OSBPL10: variants seen among roughly 807,000 people sequenced by gnomAD.
OSBPL10 encodes the protein oxysterol-binding protein-related protein 10.
OSBPL10 carries 49 observed loss-of-function variants against 81.7 expected under a neutral mutation model. That is an observed-to-expected ratio of 0.60 (90% CI 0.48 to 0.76). The LOEUF (loss-of-function observed/expected upper bound fraction) is 0.76. Among genes scored for constraint, OSBPL10 ranks in the 30% least tolerant of loss-of-function variants. OSBPL10 has a pLI of 0.00. For synonymous variants in OSBPL10, 419 were observed against 383.6 expected (o/e 1.09, Z -1.08); for missense variants, 923 against 987.8 (o/e 0.93, Z 0.88).
At position 32,002,822 on chromosome 3, in the gene OSBPL10, C is replaced by G. The variant is rs1205987891; in HGVS notation, n.298+43669G>C. ...ATACTATTTATTGTTAACTTTGAAT[C>G]TGCTTTTATCTTTTATTCCAGCCTG... On this transcript the variant is annotated intron_variant and non_coding_transcript_variant, in intron 2 of 3. Transcript: ENST00000479173. Among the ~76,000 whole-genome samples, 5 of 131,346 alleles carry G rather than the reference C, an allele frequency of 3.8e-5. No homozygotes were observed. The East Asian group carries it at 9.6e-4, about 25-fold the overall frequency. The allele number at this position is 131,346 out of a possible 152,430, so 86.2% of individuals were successfully genotyped here. A position where few individuals can be genotyped will look rare whatever the true frequency, so the allele number is the denominator to read the frequency against.
chr3:31,754,067 G>A (rs375172494), intron 4 of OSBPL10, among the ~76,000 whole-genome samples: 5 of 152,186 alleles, frequency 3.3e-5, no homozygotes, highest in South Asian at 4.2e-4. Context: ...ATGAGCTGCC[G>A]ACTTTTTCTA....
intron 8 of OSBPL10, among the ~76,000 whole-genome samples, chr3:31,675,096 C>A (rs1267161279): frequency 6.6e-6 from 1 of 152,164 alleles, no homozygotes; most frequent in Non-Finnish European, 1.5e-5. Context: ...CAATATGTCT[C>A]CCTGGCACCA....
intron 4 of OSBPL10, among the ~76,000 whole-genome samples, chr3:31,771,069 A>G (rs1344990940): frequency 3.3e-5 from 5 of 152,190 alleles, no homozygotes; most frequent in Non-Finnish European, 5.9e-5. Flanking sequence ...TAGGCTTATC[A>G]TGAGGAATGA....
chr3:32,034,010 G>C (rs1374216790), intron 2 of OSBPL10, among the ~76,000 whole-genome samples: 70 of 152,148 alleles, frequency 4.6e-4, no homozygotes, highest in Non-Finnish European at 1.2e-4. Flanking sequence ...TTACAATCAT[G>C]GCGGCTGGCA....
chr3:32,020,924 A>G (rs1315405084), intron 2 of OSBPL10, among the ~76,000 whole-genome samples: 3 of 152,170 alleles, frequency 2.0e-5, no homozygotes, highest in Non-Finnish European at 4.4e-5. Flanking sequence ...TGGAGGCTGG[A>G]TGTCTAAGAT....
Position 31,866,759 on chromosome 3 carries a change from G to A in OSBPL10, c.537+9674C>T, listed in dbSNP as rs547504691. ...TGGGGCTGTCCAGACCCCAGTGGAC[G>A]GGGGTAAGACAGGGCTCTTACTACC... On this transcript the variant is annotated intron_variant, in intron 3 of 11. Transcript: ENST00000396556. Among the ~76,000 whole-genome samples the A allele has an allele frequency of 7.9e-5, 12 of 152,238 alleles. No homozygotes were observed. In the East Asian group the frequency reaches 9.7e-4, roughly 12 times the overall value.
At chr3:31,699,858 A>G (rs1695840962) in intron 7 of OSBPL10, among the ~76,000 whole-genome samples, 1 of 152,234 alleles carries the variant, frequency 6.6e-6, no homozygotes, top group Non-Finnish European at 1.5e-5. Flanking sequence ...TTCATCCTTG[A>G]GGTGAAGAAG....
intron 1 of OSBPL10, among the ~76,000 whole-genome samples, chr3:31,965,996 T>C (rs977749860): frequency 8.3e-6 from 1 of 120,154 alleles, no homozygotes; most frequent in East Asian, 2.8e-4. Context: ...ATATAAAATA[T>C]AATATATATA....
At chr3:31,699,537 G>A (rs1216465839) in intron 7 of OSBPL10, among the ~76,000 whole-genome samples, 5 of 152,238 alleles carry the variant, frequency 3.3e-5, no homozygotes, top group African/African-American at 1.2e-4. Context: ...CTAGAGGCAG[G>A]ACCAGCTACA....
chr3:31,871,870 ACACACACATG>A (rs923176100), intron 3 of OSBPL10, among the ~76,000 whole-genome samples: 8 of 152,292 alleles, frequency 5.3e-5, no homozygotes, highest in African/African-American at 1.9e-4. Context: ...CAAAACACAC[ACACACACATG>A]CACACGCACA....
In OSBPL10 at chr3:31,668,668, A is replaced by C. The variant is rs774168194; in HGVS notation, c.2070T>G (p.Leu690=). The C allele has an allele frequency of 6.2e-7, 1 of 1,613,696 alleles. No individual in the cohort carries two copies. Among genetic ancestry groups the C allele is most frequent in the Non-Finnish European group, 8.5e-7 (1 of 1,179,778 alleles). The change falls in exon 10 of 12, where the codon CTT becomes CTG. Residue 690 remains leucine (L), a synonymous_variant. Transcript: ENST00000396556. ...TGGACTCCATGGGTCCCTGCTTCTC[A>C]AGAGGTCTGATCTTCTTGGGATACA... The part of the protein sequence containing the change: ...LPVYPKKIRP[L]EKQGPMESRN...
intron 4 of OSBPL10, among the ~76,000 whole-genome samples, chr3:31,762,240 G>C (rs1412435982): frequency 6.6e-6 from 1 of 152,156 alleles, no homozygotes; most frequent in African/African-American, 2.4e-5. Flanking sequence ...GCACAGAGTA[G>C]TCCTTTGCTG....
At chr3:31,950,293 G>C (rs186673246) in intron 1 of OSBPL10, among the ~76,000 whole-genome samples, 1 of 152,202 alleles carries the variant, frequency 6.6e-6, no homozygotes, top group East Asian at 1.9e-4. Context: ...ATAAATAACT[G>C]AGCAAAAGAC....
At chr3:32,060,742 G>A (rs1269237233) in intron 1 of OSBPL10, among the ~76,000 whole-genome samples, 1 of 90,512 alleles carries the variant, frequency 1.1e-5, no homozygotes, top group East Asian at 2.6e-4. Flanking sequence ...GATCACCTGA[G>A]GTCGGGAGTT....
At chr3:31,822,668 G>A (rs963587519) in intron 4 of OSBPL10, among the ~76,000 whole-genome samples, 7 of 151,882 alleles carry the variant, frequency 4.6e-5, no homozygotes, top group African/African-American at 1.2e-4. Flanking sequence ...CCAGCACTTC[G>A]GGAGGCCAAA....
intron 1 of OSBPL10, among the ~76,000 whole-genome samples, chr3:31,949,084 C>A (rs1373657449): frequency 6.6e-6 from 1 of 152,138 alleles, no homozygotes; most frequent in Non-Finnish European, 1.5e-5. Context: ...TGTGATTAAA[C>A]TTACAGATCA....
At chr3:31,886,943 A>G (rs1185124064) in intron 1 of OSBPL10, among the ~76,000 whole-genome samples, 1 of 151,962 alleles carries the variant, frequency 6.6e-6, no homozygotes, top group East Asian at 1.9e-4. Context: ...CATCTCAAAA[A>G]AAAAAAAGAA....
intron 1 of OSBPL10, among the ~76,000 whole-genome samples, chr3:31,949,973 G>C (rs1022863627): frequency 6.6e-6 from 1 of 152,052 alleles, no homozygotes; most frequent in African/African-American, 2.4e-5. Flanking sequence ...AGCAATCTGA[G>C]AGTTGGCAAA....
chr3:32,022,849 A>T lies in OSBPL10; in HGVS notation n.298+23642T>A, dbSNP rs139764409. On this transcript the variant is annotated intron_variant and non_coding_transcript_variant, in intron 2 of 3. Transcript: ENST00000479173. ...AAAAATTTGGGATCAGCAGAAAAGA[A>T]CGTTAATTCTGGCCTGGGAGTGTGA... Among the ~76,000 whole-genome samples, 6 of 152,262 alleles carry T rather than the reference A, an allele frequency of 3.9e-5. No individual in the cohort carries two copies. In the East Asian group the frequency reaches 1.2e-3, roughly 29 times the overall value.
Sources: allele counts gnomAD v4.1 joint callset (sites outside exome capture counted in the v4.1 genomes callset), GRCh38; gene constraint gnomAD v4.1.1; transcripts MANE v1.5; gene names NCBI Gene and HGNC (gene_info 2026-07-23, HGNC 2026-07-21).